TMEM63C: variants seen among roughly 807,000 people sequenced by gnomAD.
The protein encoded by TMEM63C is osmosensitive cation channel TMEM63C.
A neutral mutation model predicts 99.2 loss-of-function variants in TMEM63C; 32 were observed. The ratio of observed to expected loss-of-function variants is 0.32; its 90% CI spans 0.24 to 0.43. The LOEUF is 0.43. Among genes scored for constraint, TMEM63C ranks in the 20% least tolerant of loss-of-function variants. The pLI, the probability that TMEM63C is intolerant of heterozygous loss-of-function variation, is 1.00. For synonymous variants in TMEM63C, 376 were observed against 397.9 expected (o/e 0.94, Z 0.66); for missense variants, 826 against 1,053.0 (o/e 0.78, Z 2.98).
rs1264561993 is a variant in TMEM63C at position 77,253,367 on chromosome 14, C to T, written c.2211C>T (p.Pro737=). 5 of 1,611,148 alleles carry T rather than the reference C, an allele frequency of 3.1e-6. No individual in the cohort carries two copies. Among genetic ancestry groups the T allele is most frequent in the Admixed American group, 1.7e-5 (1 of 59,696 alleles). The change falls in exon 23 of 24, where the codon CCC becomes CCT. Residue 737 remains proline, a synonymous_variant. Coordinates refer to ENST00000298351, the MANE Select transcript of TMEM63C (RefSeq NM_020431.4). ...DMEPSSTSST[P]TSLLYVATVL... ...AGCCAAGCAGCACCTCCTCCACGCC[C>T]ACCTCCCTCGTGAGTCCTGAGTCCC...
chr14:77,225,480 T>C lies in TMEM63C; in HGVS notation c.350+19T>C, dbSNP rs1017393280. ...CAATGAAGTAAGTGCCCGGGCTCTG[T>C]GAGCTTGTGACCGTGTTGCCTTGGG... is the stretch of plus-strand genomic sequence containing the variant. On this transcript the variant is annotated intron_variant, in intron 6 of 23. Transcript: ENST00000298351. 1.2e-6 allele frequency: 2 copies of C among 1,611,256 alleles called. No individual in the cohort carries two copies. The highest frequency in any genetic ancestry group is 1.7e-6 in the Non-Finnish European group (2 of 1,178,460).
chr14:77,199,805 A>G (rs1476159185), intron 1 of TMEM63C, among the ~76,000 whole-genome samples: 1 of 152,186 alleles, frequency 6.6e-6, no homozygotes. Flanking sequence ...CACTGGCTGA[A>G]TTGTGTCCCT....
chr14:77,210,796 G>T (rs1888482737), intron 1 of TMEM63C, among the ~76,000 whole-genome samples: 2 of 152,136 alleles, frequency 1.3e-5, no homozygotes, highest in African/African-American at 4.8e-5. Context: ...ACAAAAAGAT[G>T]ATTAATTATT....
In TMEM63C at chr14:77,244,467, G is replaced by A; in HGVS notation, c.1448+12G>A. ...GCCCACTGGACCAGGTGACCTGGGGGCCTCCTCTCGTAGCCCTGTGGTTTC... is the reference window on the plus strand; with the variant it reads ...GCCCACTGGACCAGGTGACCTGGGGACCTCCTCTCGTAGCCCTGTGGTTTC... On this transcript the variant is annotated intron_variant, in intron 16 of 23. Coordinates refer to ENST00000298351, the MANE Select transcript of TMEM63C (RefSeq NM_020431.4). The A allele has an allele frequency of 6.2e-7, 1 of 1,605,264 alleles. No individual in the cohort carries two copies. Among genetic ancestry groups the A allele is most frequent in the Non-Finnish European group, 8.5e-7 (1 of 1,172,368 alleles).
Position 77,190,763 on chromosome 14 carries a change from G to C in TMEM63C, c.-77+8869G>C, listed in dbSNP as rs115527876. On this transcript the variant is annotated intron_variant, in intron 1 of 23. Transcript: ENST00000298351. ...AACTCTTACTTCATAGGAATAGATG[G>C]ATATTGCTTAACATGATTTTGTGTA... 4.4e-3 allele frequency among the ~76,000 whole-genome samples: 670 copies of C among 152,254 alleles called. 7 individuals carry two copies. Among genetic ancestry groups the C allele is most frequent in the African/African-American group, 0.016 (644 of 41,540 alleles).
intron 1 of TMEM63C, among the ~76,000 whole-genome samples, chr14:77,184,920 C>G (rs991032113): frequency 2.6e-5 from 4 of 152,286 alleles, no homozygotes; most frequent in Admixed American, 6.5e-5. Flanking sequence ...TTAAGAAGAA[C>G]AACGTGTGGC....
At position 77,251,819 on chromosome 14, in the gene TMEM63C, T is replaced by A; in HGVS notation, c.2069T>A (p.Leu690Gln). ...CTCCACGCCATCACCATCTTTTCCCTGTCCACCCTCCTCATTGCCATGGTG... is the reference window on the plus strand; with the variant it reads ...CTCCACGCCATCACCATCTTTTCCCAGTCCACCCTCCTCATTGCCATGGTG... ...GSLHAITIFS[L>Q]STLLIAMVIA... Residue 690 changes from leucine (L) to glutamine (Q), a missense_variant, in exon 22 of 24, where the codon CTG becomes CAG. By Grantham distance (113) the Leu-to-Gln change is moderately radical. Coordinates refer to ENST00000298351, the MANE Select transcript of TMEM63C (RefSeq NM_020431.4). 1 of 1,614,032 alleles carries A rather than the reference T, an allele frequency of 6.2e-7. No individual in the cohort carries two copies. The highest frequency in any genetic ancestry group is 8.5e-7 in the Non-Finnish European group (1 of 1,179,886).
intron 1 of TMEM63C, among the ~76,000 whole-genome samples, chr14:77,185,623 G>A (rs150067730): frequency 2.0e-5 from 3 of 152,302 alleles, no homozygotes. Context: ...TGTCTGAGTG[G>A]CAGTGATTTG....
At chr14:77,225,559 G>T in intron 6 of TMEM63C, 98 bp downstream of exon 6, 1 of 1,284,458 alleles carries the variant, frequency 7.8e-7, no homozygotes, top group East Asian at 2.4e-5. Flanking sequence ...TGGGAAGACA[G>T]GGCCTGAGCT....
At chr14:77,249,771 G>A (rs565048420) in intron 21 of TMEM63C, among the ~76,000 whole-genome samples, 24 of 152,304 alleles carry the variant, frequency 1.6e-4, no homozygotes, top group African/African-American at 5.8e-4. Context: ...ATCAGCTATT[G>A]GGAGGCTCAG....
Position 77,207,062 on chromosome 14 carries a change from G to C in TMEM63C, c.-76-6384G>C, listed in dbSNP as rs974133158. On this transcript the variant is annotated intron_variant, in intron 1 of 23. Transcript: ENST00000298351. Reference sequence around the variant, plus strand: ...GGGTGACTGTGACAGCCCCACAGCTGCCTCTGCCTTCTGTCTCCAGCACCC... The same window carrying C: ...GGGTGACTGTGACAGCCCCACAGCTCCCTCTGCCTTCTGTCTCCAGCACCC... Among the ~76,000 whole-genome samples, 25 of 152,350 alleles carry C rather than the reference G, an allele frequency of 1.6e-4. No homozygotes were observed. In the East Asian group the frequency reaches 4.8e-3, roughly 29 times the overall value.
At chr14:77,193,024 G>A (rs1362621769) in intron 1 of TMEM63C, among the ~76,000 whole-genome samples, 1 of 152,160 alleles carries the variant, frequency 6.6e-6, no homozygotes, top group African/African-American at 2.4e-5. Context: ...AGAGATGAAT[G>A]ACAATTTGCA....
chr14:77,250,532 C>T (rs1333077863), intron 21 of TMEM63C, among the ~76,000 whole-genome samples: 2 of 151,206 alleles, frequency 1.3e-5, no homozygotes, highest in South Asian at 2.1e-4. Flanking sequence ...CTCCGCCTCC[C>T]GGGTTAAAGC....
intron 3 of TMEM63C, 95 bp downstream of exon 3, chr14:77,219,058 GACA>G (rs989900304): frequency 1.7e-5 from 22 of 1,315,956 alleles, no homozygotes; most frequent in African/African-American, 8.9e-5. Context: ...TGTCCAAATG[GACA>G]ACAACAACAT....
chr14:77,231,966 A>C (rs919643846), intron 7 of TMEM63C, among the ~76,000 whole-genome samples: 7 of 152,218 alleles, frequency 4.6e-5, no homozygotes, highest in African/African-American at 1.7e-4. Flanking sequence ...ACATAGTATT[A>C]ATTCAGTTTG....
At chr14:77,250,623 A>G (rs952165888) in intron 21 of TMEM63C, among the ~76,000 whole-genome samples, 3 of 151,954 alleles carry the variant, frequency 2.0e-5, no homozygotes. Flanking sequence ...GTATTTTAGT[A>G]GAGACAGGGT....
At chr14:77,254,698 G>A (rs1017314552) in intron 23 of TMEM63C, among the ~76,000 whole-genome samples, 5 of 152,146 alleles carry the variant, frequency 3.3e-5, no homozygotes, top group South Asian at 2.1e-4. Flanking sequence ...GACAAAGGTC[G>A]AACCAGGTCC....
intron 1 of TMEM63C, among the ~76,000 whole-genome samples, chr14:77,186,715 CA>C (rs1245313982): frequency 2.0e-5 from 3 of 151,518 alleles, no homozygotes; most frequent in Non-Finnish European, 4.4e-5. Context: ...AATAAAAAAT[CA>C]AAAAGGCTTC....
intron 21 of TMEM63C, among the ~76,000 whole-genome samples, chr14:77,250,528 C>T (rs1443928489): frequency 6.6e-6 from 1 of 151,512 alleles, no homozygotes; most frequent in Non-Finnish European, 1.5e-5. Context: ...CAACCTCCGC[C>T]TCCCGGGTTA....
Sources: allele counts gnomAD v4.1 joint callset (sites outside exome capture counted in the v4.1 genomes callset), GRCh38; gene constraint gnomAD v4.1.1; transcripts MANE v1.5; gene names NCBI Gene and HGNC (gene_info 2026-07-23, HGNC 2026-07-21).